MAP7D3: variants seen among roughly 807,000 people sequenced by gnomAD.
MAP7D3 encodes MAP7 domain-containing protein 3.
In MAP7D3, 45 loss-of-function variants were observed where a neutral mutation model predicts 62.2. The ratio of observed to expected loss-of-function variants is 0.72; its 90% CI spans 0.57 to 0.93. The LOEUF is 0.93. Ranked by LOEUF, MAP7D3 falls within the 40% of genes least tolerant of loss-of-function variation. MAP7D3 has a pLI of 0.00. For missense variants in MAP7D3, 711 were observed against 683.1 expected, an observed-to-expected ratio of 1.04 and a Z score of -0.45; for synonymous variants, 288 against 248.8, an observed-to-expected ratio of 1.16 and a Z score of -1.48.
chrX:136,220,956 T>C lies in MAP7D3; in HGVS notation c.2295A>G (p.Leu765=). The change falls in exon 16 of 19, where the codon CTA becomes CTG. Residue 765 remains leucine, a synonymous_variant. Transcript: ENST00000316077. ...SLNEMFPSAI[L]NGTGSPTKFK... ...ATTTGGTAGGTGAGCCTGTGCCATT[T>C]AGAATGGCTAGGAAAAAAAATTACA... is the stretch of plus-strand genomic sequence containing the variant. 2.5e-6 allele frequency: 3 copies of C among 1,178,326 alleles called. No individual in the cohort carries two copies. In the African/African-American group the frequency reaches 5.3e-5, roughly 21 times the overall value.
intron 1 of MAP7D3, among the ~76,000 whole-genome samples, chrX:136,248,292 T>C (rs2074470790): frequency 8.9e-6 from 1 of 112,424 alleles, no homozygotes; most frequent in Non-Finnish European, 1.9e-5. Flanking sequence ...AAGGTTAATG[T>C]GGTAGTAGTA....
At chrX:136,232,400 T>C (rs1010452508) in intron 7 of MAP7D3, among the ~76,000 whole-genome samples, 180 bp from the exon 8 acceptor site, 2 of 112,162 alleles carry the variant, frequency 1.8e-5, no homozygotes, top group African/African-American at 3.2e-5. Flanking sequence ...GACAGAACTA[T>C]CACAAAGTCA....
chrX:136,234,055 A>T (rs1442059147), intron 7 of MAP7D3, among the ~76,000 whole-genome samples: 2 of 111,435 alleles, frequency 1.8e-5, no homozygotes, highest in Non-Finnish European at 3.8e-5. Context: ...GAATTAGAAC[A>T]AAAGAAATAA....
chrX:136,222,327 C>T, intron 15 of MAP7D3, 66 bp downstream of exon 15: 1 of 876,568 alleles, frequency 1.1e-6, no homozygotes, highest in Non-Finnish European at 1.7e-6. Context: ...CAAAGCCACA[C>T]AGCTCAAAAG....
chrX:136,228,685 G>A lies in MAP7D3; in HGVS notation c.1824C>T (p.Arg608=). 1 of 1,206,966 alleles carries A rather than the reference G, an allele frequency of 8.3e-7. No individual in the cohort carries two copies. The highest frequency in any genetic ancestry group is 1.1e-6 in the Non-Finnish European group (1 of 892,950). The part of the protein sequence containing the change: ...AATKILTELR[R]LAREQREKEE... The stretch of plus-strand genomic sequence containing the variant: ...CTTTTTCTCTTTGTTCACGAGCAAG[G>A]CGGCGCAATTCTGTCAAAATTTTTG... The change falls in exon 11 of 19, where the codon CGC becomes CGT. Residue 608 remains arginine (R), a synonymous_variant. Transcript: ENST00000316077.
chrX:136,221,666 A>G (rs1330914688), intron 15 of MAP7D3: 2 of 112,453 alleles, frequency 1.8e-5, no homozygotes, highest in Non-Finnish European at 3.7e-5. Flanking sequence ...GCTTTCCTCA[A>G]TGCCCTAAGG....
rs947612025 is a variant in MAP7D3, at chrX:136,230,071, T to A, written c.1750+314A>T. Among the ~76,000 whole-genome samples, 4 of 99,586 alleles carry A rather than the reference T, an allele frequency of 4.0e-5. No individual in the cohort carries two copies. The South Asian group carries it at 1.6e-3, about 39-fold the overall frequency. The allele number at this position is 99,586 out of a possible 115,157, so 86.5% of individuals were successfully genotyped here. On this transcript the variant is annotated intron_variant, in intron 10 of 18. Transcript: ENST00000316077. ...GTCTCAAACTCCTTGGCTCAAGCAA[T>A]CCTCTCACCTCAGCCTCCCAAAGTG... is the stretch of plus-strand genomic sequence containing the variant.
chrX:136,215,789 T>C (rs1266663363), downstream of MAP7D3, among the ~76,000 whole-genome samples: 1 of 111,665 alleles, frequency 9.0e-6, no homozygotes, highest in Non-Finnish European at 1.9e-5. Context: ...ACAGTAACAG[T>C]GATGTCATTA....
At chrX:136,214,095 G>A (rs1327302351), downstream of MAP7D3, 1 of 112,094 alleles carries the variant, frequency 8.9e-6, no homozygotes, top group Non-Finnish European at 1.9e-5. Context: ...TCAAGATCAC[G>A]CCACTGCATT....
intron 10 of MAP7D3, among the ~76,000 whole-genome samples, chrX:136,229,457 G>A (rs1225150319): frequency 2.7e-5 from 3 of 111,718 alleles, no homozygotes; most frequent in African/African-American, 9.8e-5. Context: ...AAATTCCCCA[G>A]TGTGTTTTTG....
At chrX:136,255,230 CA>C (rs1222672306), upstream of MAP7D3, among the ~76,000 whole-genome samples, 1 of 110,937 alleles carries the variant, frequency 9.0e-6, no homozygotes, top group Middle Eastern at 4.7e-3. Context: ...AACAAACAAA[CA>C]AAAAAAAGCA....
At chrX:136,245,712 A>T (rs1355265098) in intron 3 of MAP7D3, among the ~76,000 whole-genome samples, 1 of 110,213 alleles carries the variant, frequency 9.1e-6, no homozygotes, top group East Asian at 2.8e-4. Flanking sequence ...GCGCCACTGA[A>T]CTCCAGCTTG....
chrX:136,215,926 T>C (rs1278017216), downstream of MAP7D3, among the ~76,000 whole-genome samples: 1 of 111,143 alleles, frequency 9.0e-6, no homozygotes, highest in East Asian at 2.8e-4. Flanking sequence ...GGGGAGTGAC[T>C]GCTTAAAGGA....
rs1446066968 is a variant in MAP7D3, at chrX:136,224,678, T to C, written c.2193+149A>G. The C allele has an allele frequency of 2.5e-5, 10 of 403,595 alleles. No homozygotes were observed. In the East Asian group the frequency reaches 3.4e-4, roughly 14 times the overall value. The allele number at this position is 403,595 out of a possible 1,213,427, so 33.3% of individuals were successfully genotyped here. On this transcript the variant is annotated intron_variant, in intron 14 of 18. Transcript: ENST00000316077. ...GAAATATGAGAGCTAACTAAAGATATGAAAACATGGTCAACCTTGTTGATA... is the reference window on the plus strand; with the variant it reads ...GAAATATGAGAGCTAACTAAAGATACGAAAACATGGTCAACCTTGTTGATA...
chrX:136,243,925 G>GA (rs763259844), intron 4 of MAP7D3, among the ~76,000 whole-genome samples: 1 of 111,487 alleles, frequency 9.0e-6, no homozygotes, highest in South Asian at 3.8e-4. Flanking sequence ...AAGAAAGACA[G>GA]AAGTGAAAAA....
chrX:136,240,581 G>A (rs777926566), intron 5 of MAP7D3, 95 bp from the exon 6 acceptor site: 14 of 550,285 alleles, frequency 2.5e-5, no homozygotes, highest in African/African-American at 1.6e-4. Flanking sequence ...TAGTTCTATG[G>A]AGCACAGACT....
At chrX:136,229,769 C>T (rs979810717) in intron 10 of MAP7D3, among the ~76,000 whole-genome samples, 12 of 105,799 alleles carry the variant, frequency 1.1e-4, no homozygotes, top group Non-Finnish European at 1.7e-4. Context: ...GGCACTATCA[C>T]GGCTCACTGC....
At chrX:136,229,959 G>T (rs1353191283) in intron 10 of MAP7D3, among the ~76,000 whole-genome samples, 146 of 37,843 alleles carry the variant, frequency 3.9e-3, no homozygotes, top group African/African-American at 0.01. Flanking sequence ...TTTTTTTTGT[G>T]TGTGTATATA....
In MAP7D3 at chrX:136,246,166, T is replaced by C. The variant is rs777302370; in HGVS notation, c.170-18A>G. On this transcript the variant is annotated intron_variant, in intron 2 of 18. Coordinates refer to ENST00000316077, the MANE Select transcript of MAP7D3 (RefSeq NM_024597.4). The stretch of plus-strand genomic sequence containing the variant: ...ATCGATTACTAAAAAAAAAAGAATA[T>C]AGTTAGATATTAATAGGATATCAAA... The C allele has an allele frequency of 2.0e-5, 22 of 1,125,639 alleles. No individual in the cohort carries two copies. In the South Asian group the frequency reaches 2.7e-4, roughly 14 times the overall value. 92.8% of individuals were successfully genotyped at this position (1,125,639 alleles called of 1,213,427 possible).
Sources: allele counts gnomAD v4.1 joint callset (sites outside exome capture counted in the v4.1 genomes callset), GRCh38; gene constraint gnomAD v4.1.1; transcripts MANE v1.5; gene names NCBI Gene and HGNC (gene_info 2026-07-23, HGNC 2026-07-21).